NXPH1: variants seen among roughly 807,000 people sequenced by gnomAD.
NXPH1 encodes neurexophilin 1, also known as neurexophilin-1.
Under a neutral mutation model 23.7 loss-of-function variants are expected in NXPH1, and 5 were observed. The ratio of observed to expected loss-of-function variants is 0.21; its 90% CI spans 0.11 to 0.44. The LOEUF is 0.44. Among genes scored for constraint, NXPH1 ranks in the 20% least tolerant of loss-of-function variants. NXPH1 has a pLI of 0.99. For missense variants in NXPH1, 324 were observed against 321.6 expected, an observed-to-expected ratio of 1.01 and a Z score of -0.06; for synonymous variants, 144 against 122.2, an observed-to-expected ratio of 1.18 and a Z score of -1.18.
chr7:8,632,977 C>A (rs542190233), intron 2 of NXPH1, among the ~76,000 whole-genome samples: 1 of 152,156 alleles, frequency 6.6e-6, no homozygotes, highest in South Asian at 2.1e-4. Context: ...ATGGATGATT[C>A]TTTTTCAAAT....
chr7:8,571,611 C>T (rs1467214589), intron 2 of NXPH1, among the ~76,000 whole-genome samples: 1 of 151,926 alleles, frequency 6.6e-6, no homozygotes, highest in Non-Finnish European at 1.5e-5. Context: ...ACATATCCCT[C>T]TCTACTGTTC....
At chr7:8,547,250 G>A (rs1484595918) in intron 2 of NXPH1, among the ~76,000 whole-genome samples, 2 of 151,290 alleles carry the variant, frequency 1.3e-5, no homozygotes, top group Non-Finnish European at 3.0e-5. Flanking sequence ...GAAAGATAGT[G>A]GCCTTAACGT....
chr7:8,740,045 C>G (rs1780334359), intron 2 of NXPH1, among the ~76,000 whole-genome samples: 1 of 152,158 alleles, frequency 6.6e-6, no homozygotes, highest in Non-Finnish European at 1.5e-5. Context: ...ATGCTAATTC[C>G]CACTTCAGTT....
At chr7:8,477,948 T>C (rs555408191) in intron 2 of NXPH1, among the ~76,000 whole-genome samples, 1 of 152,268 alleles carries the variant, frequency 6.6e-6, no homozygotes, top group South Asian at 2.1e-4. Context: ...GCCTGAATCA[T>C]GTCTGCCTCA....
intron 2 of NXPH1, among the ~76,000 whole-genome samples, chr7:8,698,023 A>G (rs1368102902): frequency 6.6e-6 from 1 of 152,186 alleles, no homozygotes; most frequent in East Asian, 1.9e-4. Flanking sequence ...CCTGATCAAC[A>G]TTTGTAAAGT....
intron 2 of NXPH1, among the ~76,000 whole-genome samples, chr7:8,482,790 G>T (rs1817096322): frequency 6.6e-6 from 1 of 152,140 alleles, no homozygotes; most frequent in Non-Finnish European, 1.5e-5. Context: ...GGAGAATAGT[G>T]GCCCAAGAGA....
intron 2 of NXPH1, among the ~76,000 whole-genome samples, chr7:8,487,643 C>G (rs1415554654): frequency 6.6e-6 from 1 of 152,132 alleles, no homozygotes; most frequent in Non-Finnish European, 1.5e-5. Flanking sequence ...CACTGTAACA[C>G]TTTTAAGTGT....
chr7:8,662,209 C>T (rs1011161644), intron 2 of NXPH1, among the ~76,000 whole-genome samples: 42 of 138,536 alleles, frequency 3.0e-4, no homozygotes, highest in African/African-American at 1.1e-3. Context: ...TATATATACA[C>T]ACACATGTAT....
At chr7:8,493,315 T>C (rs764142258) in intron 2 of NXPH1, among the ~76,000 whole-genome samples, 18 of 152,060 alleles carry the variant, frequency 1.2e-4, no homozygotes, top group Admixed American at 1.1e-3. Context: ...CCTATAGCTC[T>C]GGCTATTTCA....
At chr7:8,504,724 C>G (rs998833461) in intron 2 of NXPH1, among the ~76,000 whole-genome samples, 79 of 151,968 alleles carry the variant, frequency 5.2e-4, no homozygotes, top group African/African-American at 1.7e-3. Flanking sequence ...GTAATTGATT[C>G]ATGAGGATAG....
At chr7:8,709,336 G>A (rs1779752099) in intron 2 of NXPH1, among the ~76,000 whole-genome samples, 1 of 151,870 alleles carries the variant, frequency 6.6e-6, no homozygotes, top group South Asian at 2.1e-4. Context: ...TTTTAAAATT[G>A]TTAAATGGTG....
intron 2 of NXPH1, among the ~76,000 whole-genome samples, chr7:8,603,455 T>C (rs1819409581): frequency 1.3e-5 from 2 of 152,342 alleles, no homozygotes; most frequent in South Asian, 2.1e-4. Flanking sequence ...GTCATTAAGA[T>C]TGAATCAATA....
chr7:8,502,256 A>T (rs1442948140), intron 2 of NXPH1, among the ~76,000 whole-genome samples: 1 of 152,048 alleles, frequency 6.6e-6, no homozygotes, highest in South Asian at 2.1e-4. Context: ...TTGTACTAAG[A>T]TGTGTTTAAT....
At chr7:8,593,493 G>A (rs1166437162) in intron 2 of NXPH1, among the ~76,000 whole-genome samples, 1 of 151,952 alleles carries the variant, frequency 6.6e-6, no homozygotes, top group Admixed American at 6.6e-5. Flanking sequence ...TTCCCTTGTG[G>A]AATAAATTGC....
At chr7:8,503,270 A>T (rs1267991309) in intron 2 of NXPH1, among the ~76,000 whole-genome samples, 2 of 152,028 alleles carry the variant, frequency 1.3e-5, no homozygotes, top group Non-Finnish European at 2.9e-5. Flanking sequence ...AGAAAGGTGA[A>T]ACAACTTGCA....
At chr7:8,561,938 A>ACTATGTATATG (rs1818453271) in intron 2 of NXPH1, among the ~76,000 whole-genome samples, 1 of 151,754 alleles carries the variant, frequency 6.6e-6, no homozygotes, top group Non-Finnish European at 1.5e-5. Flanking sequence ...TGATGTTTCG[A>ACTATGTATATG]TATACATATA....
chr7:8,573,639 A>G (rs1218310745), intron 2 of NXPH1, among the ~76,000 whole-genome samples: 1 of 152,150 alleles, frequency 6.6e-6, no homozygotes, highest in Non-Finnish European at 1.5e-5. Context: ...AACTAATGCA[A>G]TGAGCTTTCT....
intron 2 of NXPH1, among the ~76,000 whole-genome samples, chr7:8,703,211 T>C (rs1257118707): frequency 6.6e-6 from 1 of 152,062 alleles, no homozygotes; most frequent in African/African-American, 2.4e-5. Context: ...GAGGTTCAAG[T>C]CCCAGCCCCT....
intron 2 of NXPH1, among the ~76,000 whole-genome samples, chr7:8,542,942 A>G (rs1818142919): frequency 6.6e-6 from 1 of 151,618 alleles, no homozygotes; most frequent in Admixed American, 6.6e-5. Flanking sequence ...GGTATAATGC[A>G]TAGCGTAATT....
Sources: allele counts gnomAD v4.1 joint callset (sites outside exome capture counted in the v4.1 genomes callset), GRCh38; gene constraint gnomAD v4.1.1; transcripts MANE v1.5; gene names NCBI Gene and HGNC (gene_info 2026-07-23, HGNC 2026-07-21).